ANTXR1: variants seen among roughly 807,000 people sequenced by gnomAD.
ANTXR1 encodes anthrax toxin receptor 1.
In ANTXR1, 19 loss-of-function variants were observed where a neutral mutation model predicts 78.1. That is an observed-to-expected ratio of 0.24 (90% CI 0.17 to 0.36). The LOEUF (loss-of-function observed/expected upper bound fraction) is 0.36. Among genes scored for constraint, ANTXR1 ranks in the 10% least tolerant of loss-of-function variants. ANTXR1 has a pLI of 1.00. For missense variants in ANTXR1, 518 were observed against 718.6 expected (o/e 0.72, Z 3.19); for synonymous variants, 273 against 260.5 (o/e 1.05, Z -0.46).
chr2:69,123,813 A>T (rs1056652477), intron 11 of ANTXR1, among the ~76,000 whole-genome samples: 9 of 152,238 alleles, frequency 5.9e-5, no homozygotes, highest in African/African-American at 2.2e-4. Flanking sequence ...GCAGAGAACA[A>T]TAACAACAAA....
At chr2:69,164,548 G>A (rs569252297) in intron 13 of ANTXR1, among the ~76,000 whole-genome samples, 1 of 152,274 alleles carries the variant, frequency 6.6e-6, no homozygotes, top group South Asian at 2.1e-4. Context: ...AGAGCTTACA[G>A]TCCAGTGCGG....
At chr2:69,165,805 G>A (rs1456240791) in intron 13 of ANTXR1, among the ~76,000 whole-genome samples, 1 of 152,160 alleles carries the variant, frequency 6.6e-6, no homozygotes, top group Non-Finnish European at 1.5e-5. Context: ...CAAACACAAC[G>A]GCAAGGATCA....
chr2:69,161,953 C>T (rs1454430673), intron 13 of ANTXR1, among the ~76,000 whole-genome samples: 1 of 152,060 alleles, frequency 6.6e-6, no homozygotes, highest in African/African-American at 2.4e-5. Context: ...CAAAAAAGAC[C>T]TTTGTCATCT....
At chr2:69,144,586 C>T (rs766398804) in intron 12 of ANTXR1, among the ~76,000 whole-genome samples, 1 of 152,204 alleles carries the variant, frequency 6.6e-6, no homozygotes, top group Non-Finnish European at 1.5e-5. Context: ...CAGAGAAAGA[C>T]CTTTGCCAGC....
chr2:69,164,897 C>T (rs932519791), intron 13 of ANTXR1, among the ~76,000 whole-genome samples: 1 of 152,174 alleles, frequency 6.6e-6, no homozygotes, highest in Non-Finnish European at 1.5e-5. Context: ...GCTGGTCTTT[C>T]TAATCAGCTA....
At chr2:69,082,512 G>GC (rs1228324790) in intron 8 of ANTXR1, among the ~76,000 whole-genome samples, 4 of 152,118 alleles carry the variant, frequency 2.6e-5, no homozygotes, top group South Asian at 4.2e-4. Flanking sequence ...GGTGAATTTA[G>GC]CACCAGCCCT....
At chr2:69,200,331 G>C (rs1359343066) in intron 17 of ANTXR1, among the ~76,000 whole-genome samples, 2 of 152,206 alleles carry the variant, frequency 1.3e-5, no homozygotes, top group Non-Finnish European at 2.9e-5. Context: ...AGCCTCAGAG[G>C]TTGTGAAATC....
chr2:69,027,278 G>A (rs377006896), intron 1 of ANTXR1, among the ~76,000 whole-genome samples: 4 of 152,264 alleles, frequency 2.6e-5, no homozygotes, highest in Non-Finnish European at 4.4e-5. Flanking sequence ...GAGTCCTCCC[G>A]CCAGATCGCG....
Position 69,102,878 on chromosome 2 carries a change from G to A in ANTXR1, c.740G>A (p.Arg247Gln), listed in dbSNP as rs754833587. ...GTTGTCGTGAGAGGAAACGGCTTCC[G>A]ACATGCCCGCAACGTGGACAGGGTC... ...FQVVVRGNGF[R>Q]HARNVDRVLC... Residue 247 changes from arginine (R) to glutamine (Q), a missense_variant, in exon 10 of 18, where the codon CGA becomes CAA. Arg to Gln is a conservative substitution (Grantham distance 43). Around this residue, in one of 5 missense-constraint regions of ANTXR1, gnomAD observed 264 missense variants for 391.8 expected, o/e 0.67. Transcript: ENST00000303714. 22 of 1,613,996 alleles carry A rather than the reference G, an allele frequency of 1.4e-5. No homozygotes were observed. The highest frequency in any genetic ancestry group is 4.4e-5 in the South Asian group (4 of 91,076).
At chr2:69,234,984 A>G (rs1573995531) in intron 17 of ANTXR1, among the ~76,000 whole-genome samples, 1 of 145,872 alleles carries the variant, frequency 6.9e-6, no homozygotes, top group African/African-American at 2.6e-5. Flanking sequence ...AAACTATAAC[A>G]TAACTAAAAA....
chr2:69,187,476 A>G (rs1231874072), intron 16 of ANTXR1, among the ~76,000 whole-genome samples: 1 of 151,368 alleles, frequency 6.6e-6, no homozygotes, highest in Admixed American at 6.6e-5. Flanking sequence ...GCACACACTC[A>G]TGAGTGCATG....
At chr2:69,144,948 G>A (rs780549071) in intron 12 of ANTXR1, among the ~76,000 whole-genome samples, 35 of 152,312 alleles carry the variant, frequency 2.3e-4, no homozygotes, top group Non-Finnish European at 4.0e-4. Context: ...TTAAAATAGA[G>A]ATATTGGGGT....
At chr2:69,176,736 T>G (rs1474178663) in intron 14 of ANTXR1, among the ~76,000 whole-genome samples, 1 of 152,248 alleles carries the variant, frequency 6.6e-6, no homozygotes, top group Admixed American at 6.5e-5. Context: ...ATTTAAGATG[T>G]GCTCCAGTTC....
intron 12 of ANTXR1, among the ~76,000 whole-genome samples, chr2:69,151,181 A>ATTTTT (rs1673382576): frequency 1.3e-5 from 1 of 78,000 alleles, no homozygotes; most frequent in East Asian, 4.4e-4. Flanking sequence ...ATATCTGATT[A>ATTTTT]TTTTCTTTTT....
chr2:69,095,396 T>C lies in ANTXR1; in HGVS notation c.703+4477T>C, dbSNP rs554102121. Among the ~76,000 whole-genome samples, 17 of 152,264 alleles carry C rather than the reference T, an allele frequency of 1.1e-4. No homozygotes were observed. The East Asian group carries it at 1.9e-3, about 17-fold the overall frequency. On this transcript the variant is annotated intron_variant, in intron 9 of 17. Coordinates refer to ENST00000303714, the MANE Select transcript of ANTXR1 (RefSeq NM_032208.3). ...TCTGGGAGATAGTCATATGTTCAAA[T>C]AAATTACAAAACCACGCAGTAAGCA...
intron 1 of ANTXR1, among the ~76,000 whole-genome samples, chr2:69,032,772 T>C (rs768844507): frequency 6.6e-6 from 1 of 152,176 alleles, no homozygotes; most frequent in Admixed American, 6.5e-5. Flanking sequence ...TGTGTGTGTG[T>C]GCATGTGCCT....
chr2:69,243,243 G>A (rs1032714254), intron 17 of ANTXR1, among the ~76,000 whole-genome samples: 2 of 152,128 alleles, frequency 1.3e-5, no homozygotes, highest in Non-Finnish European at 2.9e-5. Context: ...AAACAACTCC[G>A]TTTTTACCAA....
intron 10 of ANTXR1, among the ~76,000 whole-genome samples, chr2:69,117,958 C>T (rs751188316): frequency 6.6e-6 from 1 of 152,190 alleles, no homozygotes; most frequent in Non-Finnish European, 1.5e-5. Context: ...GATAATGATA[C>T]TCATTGGCCC....
chr2:69,044,258 G>A (rs1669691800), intron 2 of ANTXR1, among the ~76,000 whole-genome samples: 1 of 152,148 alleles, frequency 6.6e-6, no homozygotes, highest in South Asian at 2.1e-4. Flanking sequence ...ATTAAAAGTT[G>A]ATGGTGATCC....
Sources: allele counts gnomAD v4.1 joint callset (sites outside exome capture counted in the v4.1 genomes callset), GRCh38; gene constraint gnomAD v4.1.1; regional missense constraint gnomAD v4.1.1; transcripts MANE v1.5; gene names NCBI Gene and HGNC (gene_info 2026-07-23, HGNC 2026-07-21).